FAM240B: variants seen among roughly 807,000 people sequenced by gnomAD.
FAM240B encodes the protein family with sequence similarity 240 member B, also known as protein FAM240B.
chr9:38,701,016 A>T (rs1356716329), intron 2 of FAM240B, among the ~76,000 whole-genome samples: 1 of 152,236 alleles, frequency 6.6e-6, no homozygotes, highest in East Asian at 1.9e-4. Context: ...TCTCCTGTCA[A>T]CAAAGGGATT....
chr9:38,702,598 T>C (rs1284340438), intron 2 of FAM240B, among the ~76,000 whole-genome samples: 5 of 152,184 alleles, frequency 3.3e-5, no homozygotes, highest in African/African-American at 1.2e-4. Flanking sequence ...TGAGGGTAGG[T>C]GCTGGCCCTG....
At chr9:38,719,685 C>A (rs1240106237) in intron 1 of FAM240B, among the ~76,000 whole-genome samples, 1 of 152,170 alleles carries the variant, frequency 6.6e-6, no homozygotes, top group Non-Finnish European at 1.5e-5. Context: ...CTAAATTATC[C>A]ATCAACCAAC....
chr9:38,701,044 GT>G (rs1181903013), intron 2 of FAM240B, among the ~76,000 whole-genome samples: 3 of 152,204 alleles, frequency 2.0e-5, no homozygotes, highest in Non-Finnish European at 4.4e-5. Context: ...AAATTTGGAG[GT>G]TTTTTGGTCT....
chr9:38,697,153 T>A lies in FAM240B; in HGVS notation c.144-2284A>T, dbSNP rs539390056. ...GGATTCATTCATTAACAAAAGGGAC[T>A]GTAACTTTTACTGGGTGTGGTGGCC... On this transcript the variant is annotated intron_variant, in intron 2 of 2. Coordinates refer to ENST00000637493, the MANE Select transcript of FAM240B (RefSeq NM_001394922.1). 3.4e-4 allele frequency among the ~76,000 whole-genome samples: 52 copies of A among 152,320 alleles called. No individual in the cohort carries two copies. The South Asian group carries it at 9.3e-3, about 27-fold the overall frequency.
chr9:38,696,083 A>C (rs528135526), intron 2 of FAM240B, among the ~76,000 whole-genome samples: 7 of 152,218 alleles, frequency 4.6e-5, no homozygotes, highest in Non-Finnish European at 7.3e-5. Flanking sequence ...GGATGGTATT[A>C]AACTCTGCTC....
chr9:38,699,345 A>G (rs1029475364), intron 2 of FAM240B, among the ~76,000 whole-genome samples: 19 of 152,210 alleles, frequency 1.2e-4, no homozygotes, highest in Admixed American at 9.2e-4. Context: ...CACTAAACAT[A>G]TGTGTCAGTT....
chr9:38,698,380 G>A (rs749108521), intron 2 of FAM240B, among the ~76,000 whole-genome samples: 53 of 152,308 alleles, frequency 3.5e-4, no homozygotes, highest in Non-Finnish European at 6.3e-4. Context: ...CCAGATACAA[G>A]AGGTTGGCAA....
At chr9:38,713,305 C>T in intron 1 of FAM240B, among the ~76,000 whole-genome samples, 1 of 151,816 alleles carries the variant, frequency 6.6e-6, no homozygotes, top group East Asian at 1.9e-4. Context: ...GGTGAAACCC[C>T]ATCTCTACTA....
intron 1 of FAM240B, among the ~76,000 whole-genome samples, chr9:38,719,151 T>A (rs1475444629): frequency 6.6e-6 from 1 of 152,088 alleles, no homozygotes; most frequent in Non-Finnish European, 1.5e-5. Flanking sequence ...ATCTAGTTGC[T>A]TTGCACATAT....
chr9:38,699,886 C>T (rs540414057), intron 2 of FAM240B, among the ~76,000 whole-genome samples: 122 of 152,358 alleles, frequency 8.0e-4, no homozygotes, highest in Middle Eastern at 6.8e-3. Context: ...CAATCTTGAT[C>T]TCTGTGCTTT....
chr9:38,698,370 C>T (rs1202674453), intron 2 of FAM240B, among the ~76,000 whole-genome samples: 1 of 152,044 alleles, frequency 6.6e-6, no homozygotes. Flanking sequence ...ACCAGTTGGC[C>T]CAGATACAAG....
intron 2 of FAM240B, among the ~76,000 whole-genome samples, chr9:38,699,967 T>C (rs970577178): frequency 2.0e-5 from 3 of 152,220 alleles, no homozygotes; most frequent in African/African-American, 7.2e-5. Context: ...GAAGCATGCC[T>C]TGACAATTGT....
chr9:38,700,617 G>A (rs1251383159), intron 2 of FAM240B, among the ~76,000 whole-genome samples: 1 of 152,188 alleles, frequency 6.6e-6, no homozygotes, highest in African/African-American at 2.4e-5. Flanking sequence ...ACTGCCCCAG[G>A]CAAACCAGGA....
intron 1 of FAM240B, among the ~76,000 whole-genome samples, chr9:38,712,311 C>A (rs1208391865): frequency 6.6e-6 from 1 of 152,146 alleles, no homozygotes; most frequent in Non-Finnish European, 1.5e-5. Context: ...GTCCATATGA[C>A]CATTATGAAG....
intron 2 of FAM240B, among the ~76,000 whole-genome samples, chr9:38,696,317 G>A (rs1821068929): frequency 6.6e-6 from 1 of 152,124 alleles, no homozygotes; most frequent in African/African-American, 2.4e-5. Context: ...TCCCAGAGGT[G>A]AAATATTACC....
chr9:38,699,347 G>A (rs1206716379), intron 2 of FAM240B, among the ~76,000 whole-genome samples: 1 of 152,190 alleles, frequency 6.6e-6, no homozygotes, highest in Non-Finnish European at 1.5e-5. Flanking sequence ...CTAAACATAT[G>A]TGTCAGTTTG....
intron 1 of FAM240B, among the ~76,000 whole-genome samples, chr9:38,708,666 G>A (rs1430988375): frequency 6.6e-6 from 1 of 152,132 alleles, no homozygotes; most frequent in Admixed American, 6.5e-5. Context: ...CCCCAACACA[G>A]CCCACCATTC....
intron 1 of FAM240B, among the ~76,000 whole-genome samples, chr9:38,709,541 A>G (rs1294991038): frequency 6.6e-6 from 1 of 152,142 alleles, no homozygotes; most frequent in East Asian, 1.9e-4. Flanking sequence ...TCTATGCCAT[A>G]TGCATATGGT....
chr9:38,711,664 T>C (rs372360296), intron 1 of FAM240B, among the ~76,000 whole-genome samples: 76,824 of 144,328 alleles, frequency 0.53, 20,110 homozygotes, highest in Middle Eastern at 0.58. Context: ...TTCTTCTTTT[T>C]TTTTTTTTTT....
Sources: gnomAD v4.1 joint callset for allele counts (sites outside exome capture counted in the v4.1 genomes callset) on GRCh38, gnomAD v4.1.1 for gene constraint, MANE v1.5 for transcripts, NCBI Gene and HGNC (gene_info 2026-07-23, HGNC 2026-07-21) for gene names.